The following HNRNPL variants were observed in gnomAD, a reference collection of about 807,000 sequenced individuals.
The protein encoded by HNRNPL is epididymis secretory sperm binding protein.
A neutral mutation model predicts 64.0 loss-of-function variants in HNRNPL; 12 were observed. The ratio of observed to expected loss-of-function variants is 0.19; its 90% CI spans 0.12 to 0.30. The LOEUF (loss-of-function observed/expected upper bound fraction) is 0.30. HNRNPL is among the 10% of genes least tolerant of loss of function. The pLI, the probability that HNRNPL is intolerant of heterozygous loss-of-function variation, is 1.00. For synonymous variants in HNRNPL, 385 were observed against 313.0 expected, an observed-to-expected ratio of 1.23 and a Z score of -2.43; for missense variants, 484 against 797.4, an observed-to-expected ratio of 0.61 and a Z score of 4.73.
In HNRNPL at chr19:38,838,661, G is replaced by A. The variant is rs1436966929; in HGVS notation, c.1356-63C>T. The stretch of plus-strand genomic sequence containing the variant: ...AAAGTTGTCCCTGAAGCTTTCCCCT[G>A]TGGCCTCCAGAGGCTTAGCTTGCCC... On this transcript the variant is annotated intron_variant, in intron 9 of 12. Coordinates refer to ENST00000221419, the MANE Select transcript of HNRNPL (RefSeq NM_001533.3). 6 of 1,519,444 alleles carry A rather than the reference G, an allele frequency of 3.9e-6. No individual in the cohort carries two copies. In the Admixed American group the frequency reaches 8.9e-5, roughly 22 times the overall value. 94.1% of individuals were successfully genotyped at this position (1,519,444 alleles called of 1,614,324 possible).
chr19:38,850,010 G>A, upstream of HNRNPL: 1 of 1,303,818 alleles, frequency 7.7e-7, no homozygotes, highest in South Asian at 1.9e-5. Flanking sequence ...TTGGGGGAGG[G>A]ACACGCCCGT....
chr19:38,837,040 G>A, intron 12 of HNRNPL: 1 of 537,242 alleles, frequency 1.9e-6, no homozygotes, highest in South Asian at 2.6e-5. Flanking sequence ...CAGCAACTGG[G>A]TGGGCAAGTT....
intron 12 of HNRNPL, chr19:38,837,088 A>G (rs2055779255): frequency 1.8e-6 from 1 of 550,594 alleles, no homozygotes. Context: ...CCTAGGTAAC[A>G]GAGTGGCTTT....
rs1285569039 is a variant in HNRNPL at position 38,849,700 on chromosome 19, C to CCCA, written c.264_266dup (p.Gly89dup). 7.4e-7 allele frequency: 1 copy of CCCA among 1,359,504 alleles called. No homozygotes were observed. Among genetic ancestry groups the CCCA allele is most frequent in the Admixed American group, 3.9e-5 (1 of 25,522 alleles). 84.2% of individuals were successfully genotyped at this position (1,359,504 alleles called of 1,614,324 possible). ...CCAGCGCCTAGGGCCCTGGCCTCAC[C>CCCA]CCACCGCCGCCGCCGCCCGCCGCCC... On this transcript the variant is annotated inframe_insertion and splice_region_variant, in exon 1 of 13. Transcript: ENST00000221419.
At chr19:38,837,187 G>A (rs1329020188) in intron 12 of HNRNPL, 197 bp downstream of exon 12, 1 of 596,522 alleles carries the variant, frequency 1.7e-6, no homozygotes, top group Non-Finnish European at 3.0e-6. Flanking sequence ...CAGAGTGAGT[G>A]GCAGCAGGCA....
chr19:38,845,962 T>C lies in HNRNPL; in HGVS notation c.515A>G (p.Asn172Ser). The C allele has an allele frequency of 6.2e-7, 1 of 1,614,200 alleles. No homozygotes were observed. The highest frequency in any genetic ancestry group is 8.5e-7 in the Non-Finnish European group (1 of 1,180,024). Residue 172 changes from asparagine to serine, a missense_variant, in exon 3 of 13, where the codon AAC becomes AGC. By Grantham distance (46) the Asn-to-Ser change is conservative. Around this residue, in one of 9 missense-constraint regions of HNRNPL, gnomAD observed 18 missense variants for 19.0 expected, o/e 0.95. Transcript: ENST00000221419. ...GGAGATCTTCTGGCTGGTAGAGTAGTTGACAAAAGCTGGGTGACCAGCAAT... is the reference window on the plus strand; with the variant it reads ...GGAGATCTTCTGGCTGGTAGAGTAGCTGACAAAAGCTGGGTGACCAGCAAT... ...IYIAGHPAFV[N>S]YSTSQKISRP...
chr19:38,851,611 A>G (rs1972505766), upstream of HNRNPL, among the ~76,000 whole-genome samples: 1 of 152,120 alleles, frequency 6.6e-6, no homozygotes, highest in South Asian at 2.1e-4. Flanking sequence ...CTAAGTTTGA[A>G]ATGGAGGCCG....
intron 6 of HNRNPL, chr19:38,841,412 C>A (rs180673979): frequency 3.2e-4 from 113 of 357,946 alleles, no homozygotes; most frequent in African/African-American, 2.2e-3. Context: ...CCCAAAGTCA[C>A]AAAGCAAGAC....
chr19:38,845,798 GA>G, intron 3 of HNRNPL, 54 bp downstream of exon 3: 1 of 1,596,614 alleles, frequency 6.3e-7, no homozygotes, highest in Non-Finnish European at 8.6e-7. Context: ...TTGGGGGAGG[GA>G]ATAAGGGGAG....
chr19:38,844,490 C>A (rs114576096), intron 4 of HNRNPL, among the ~76,000 whole-genome samples: 2 of 152,164 alleles, frequency 1.3e-5, no homozygotes, highest in African/African-American at 4.8e-5. Flanking sequence ...CCCCAAGCAT[C>A]GCAACGCTGT....
rs1489598817 is a variant in HNRNPL at position 38,849,891 on chromosome 19, G to C, written c.76C>G (p.Arg26Gly). ...LEQRQQPDEQ[R>G]RRSGAMVKMA... ...TTCACCATCGCTCCCGACCGCCTCCGCTGCTCGTCCGGCTGCTGCCTCTGC... is the reference window on the plus strand; with the variant it reads ...TTCACCATCGCTCCCGACCGCCTCCCCTGCTCGTCCGGCTGCTGCCTCTGC... The change falls in exon 1 of 13, where the codon CGG becomes GGG. Residue 26 changes from arginine (R) to glycine (G), a missense_variant. Coordinates refer to ENST00000221419, the MANE Select transcript of HNRNPL (RefSeq NM_001533.3). 3 of 1,252,602 alleles carry C rather than the reference G, an allele frequency of 2.4e-6. No homozygotes were observed. Among genetic ancestry groups the C allele is most frequent in the Non-Finnish European group, 2.2e-6 (2 of 891,742 alleles). 77.6% of individuals were successfully genotyped at this position (1,252,602 alleles called of 1,614,324 possible).
At chr19:38,843,763 T>C (rs1972191374) in intron 6 of HNRNPL, 79 bp downstream of exon 6, 2 of 1,231,754 alleles carry the variant, frequency 1.6e-6, no homozygotes, top group South Asian at 2.5e-5. Flanking sequence ...TACATAACCC[T>C]GAGCCCAGGC....
At chr19:38,841,691 C>A in intron 6 of HNRNPL, 1 of 1,248,210 alleles carries the variant, frequency 8.0e-7, no homozygotes, top group Non-Finnish European at 1.1e-6. Flanking sequence ...CCCTGCATCA[C>A]ATGGTTTTAC....
chr19:38,841,027 G>A (rs1972099794), intron 6 of HNRNPL: 1 of 198,194 alleles, frequency 5.0e-6, no homozygotes, highest in Non-Finnish European at 1.0e-5. Flanking sequence ...AGGAGCTCCA[G>A]ACTGTCTCTG....
At chr19:38,837,237 C>A in intron 12 of HNRNPL, 147 bp downstream of exon 12, 1 of 659,448 alleles carries the variant, frequency 1.5e-6, no homozygotes, top group African/African-American at 1.8e-5. Context: ...GGCTGCTCTC[C>A]TGATGAGCAG....
chr19:38,840,319 G>T lies in HNRNPL; in HGVS notation c.1010C>A (p.Pro337Gln), dbSNP rs1463136920. 3 of 1,510,924 alleles carry T rather than the reference G, an allele frequency of 2.0e-6. No individual in the cohort carries two copies. The highest frequency in any genetic ancestry group is 2.7e-6 in the Non-Finnish European group (3 of 1,111,362). The allele number at this position is 1,510,924 out of a possible 1,614,324, so 93.6% of individuals were successfully genotyped here. A position where few individuals can be genotyped will look rare whatever the true frequency, so the allele number is the denominator to read the frequency against. Residue 337 changes from proline to glutamine, a missense_variant, in exon 8 of 13, where the codon CCA (proline) becomes CAA (glutamine). Physicochemically the swap from Pro to Gln is moderately conservative, Grantham distance 76. Coordinates refer to ENST00000221419, the MANE Select transcript of HNRNPL (RefSeq NM_001533.3). Reference protein sequence around the residue: ...HYHDEGYGPPPPHYEGRRMGP... With the variant: ...HYHDEGYGPPQPHYEGRRMGP... Reference sequence around the variant, plus strand: ...CATCCTTCTCCCTTCGTAGTGAGGTGGGGGGGGCCCGTAGCCCTCATCATG... The same window carrying T: ...CATCCTTCTCCCTTCGTAGTGAGGTTGGGGGGGCCCGTAGCCCTCATCATG...
At chr19:38,850,022 A>AC, upstream of HNRNPL, 6 of 1,288,494 alleles carry the variant, frequency 4.7e-6, no homozygotes, top group South Asian at 1.1e-4. Context: ...CACGCCCGTC[A>AC]CCCGCCGCCC....
intron 2 of HNRNPL, among the ~76,000 whole-genome samples, chr19:38,846,920 A>AACAG (rs929671289): frequency 2.0e-5 from 3 of 151,828 alleles, no homozygotes; most frequent in African/African-American, 7.3e-5. Flanking sequence ...CAAACAAACA[A>AACAG]ACAAAAAATA....
Position 38,845,628 on chromosome 19 carries a change from CCT to C in HNRNPL, c.710+20_710+21del. On this transcript the variant is annotated intron_variant, in intron 4 of 12. Coordinates refer to ENST00000221419, the MANE Select transcript of HNRNPL (RefSeq NM_001533.3). Reference sequence around the variant, plus strand: ...GCAAGAGTCCCTACCCTAAGGAACACCTGTTTTCCAGCAAAGGATATTCCACC... The same window carrying C: ...GCAAGAGTCCCTACCCTAAGGAACACGTTTTCCAGCAAAGGATATTCCACC... 6.3e-7 allele frequency: 1 copy of C among 1,590,694 alleles called. No individual in the cohort carries two copies. Among genetic ancestry groups the C allele is most frequent in the Non-Finnish European group, 8.6e-7 (1 of 1,158,704 alleles).
Sources: allele counts gnomAD v4.1 joint callset (sites outside exome capture counted in the v4.1 genomes callset), GRCh38; gene constraint gnomAD v4.1.1; regional missense constraint gnomAD v4.1.1; transcripts MANE v1.5; gene names NCBI Gene and HGNC (gene_info 2026-07-23, HGNC 2026-07-21).